Variants in AUTS2 observed in about 807,000 individuals in gnomAD.
The protein encoded by AUTS2 is autism susceptibility gene 2 protein.
A neutral mutation model predicts 112.4 loss-of-function variants in AUTS2; 17 were observed. The observed-to-expected ratio is 0.15, with a 90% CI of 0.10 to 0.23. The LOEUF is 0.23. Among genes scored for constraint, AUTS2 ranks in the 10% least tolerant of loss-of-function variants. AUTS2 has a pLI of 1.00. For missense variants in AUTS2, 1,510 were observed against 1,701.6 expected (o/e 0.89, Z 1.98); for synonymous variants, 751 against 702.7 (o/e 1.07, Z -1.09).
Position 69,632,665 on chromosome 7 carries a change from C to A in AUTS2, c.309+32703C>A, listed in dbSNP as rs528305057. Among the ~76,000 whole-genome samples, 38 of 141,712 alleles carry A rather than the reference C, an allele frequency of 2.7e-4. 1 individual carries two copies. The highest frequency in any genetic ancestry group is 5.2e-4 in the Non-Finnish European group (34 of 65,824). The allele number at this position is 141,712 out of a possible 152,430, so 93.0% of individuals were successfully genotyped here. On this transcript the variant is annotated intron_variant, in intron 1 of 18. Transcript: ENST00000342771. ...TTTCCCTTTCTCTTTCCTTAATTTT[C>A]TTTTCTTTCTGTTCATATATAGGTA...
At chr7:70,320,037 A>G (rs1790179850) in intron 4 of AUTS2, among the ~76,000 whole-genome samples, 1 of 152,224 alleles carries the variant, frequency 6.6e-6, no homozygotes, top group Admixed American at 6.5e-5. Flanking sequence ...TCATTTATTA[A>G]TTATTCAACC....
intron 1 of AUTS2, among the ~76,000 whole-genome samples, chr7:69,737,223 C>CT (rs1280972341): frequency 6.6e-6 from 1 of 151,916 alleles, no homozygotes; most frequent in African/African-American, 2.4e-5. Flanking sequence ...TTTTTTGTTT[C>CT]TTTTTTGAGT....
chr7:70,457,946 CCT>C (rs1796811269), intron 5 of AUTS2, among the ~76,000 whole-genome samples: 1 of 152,144 alleles, frequency 6.6e-6, no homozygotes, highest in Non-Finnish European at 1.5e-5. Context: ...TGTGTGTCCT[CCT>C]CTCGGTTTCT....
At chr7:69,818,032 A>G (rs943826170) in intron 1 of AUTS2, among the ~76,000 whole-genome samples, 1 of 152,214 alleles carries the variant, frequency 6.6e-6, no homozygotes, top group Non-Finnish European at 1.5e-5. Flanking sequence ...TGCCATTTAC[A>G]TAAGGAGCTG....
intron 2 of AUTS2, among the ~76,000 whole-genome samples, chr7:70,090,270 C>T (rs1281525427): frequency 6.6e-6 from 1 of 151,936 alleles, no homozygotes; most frequent in East Asian, 1.9e-4. Flanking sequence ...CTTGTTGTCA[C>T]ACAATTCTAC....
In AUTS2 at chr7:69,617,241, T is replaced by C. The variant is rs201203012; in HGVS notation, c.309+17279T>C. On this transcript the variant is annotated intron_variant, in intron 1 of 18. Coordinates refer to ENST00000342771, the MANE Select transcript of AUTS2 (RefSeq NM_015570.4). ...GTGTGGAGTTTGCACCATCTCCTCA[T>C]GTATGGTAAAATTGCTTTCATTATG... Among the ~76,000 whole-genome samples, 42 of 152,288 alleles carry C rather than the reference T, an allele frequency of 2.8e-4. No homozygotes were observed. In the East Asian group the frequency reaches 7.5e-3, roughly 27 times the overall value.
chr7:70,774,121 G>A, intron 12 of AUTS2, 22 bp downstream of exon 12: 1 of 1,612,520 alleles, frequency 6.2e-7, no homozygotes, highest in Non-Finnish European at 8.5e-7. Flanking sequence ...GTCAGGCTTG[G>A]TCTCAGGTAA....
intron 5 of AUTS2, among the ~76,000 whole-genome samples, chr7:70,490,755 C>T (rs968317638): frequency 6.6e-6 from 1 of 152,214 alleles, no homozygotes; most frequent in African/African-American, 2.4e-5. Flanking sequence ...TTATTTCTCC[C>T]TGCCAACTTC....
intron 4 of AUTS2, among the ~76,000 whole-genome samples, chr7:70,317,743 G>A (rs1223974618): frequency 2.6e-5 from 4 of 152,200 alleles, no homozygotes; most frequent in Non-Finnish European, 5.9e-5. Context: ...CGAAGGCATG[G>A]CCCTGCCTTC....
chr7:70,253,435 T>C (rs552929378), intron 4 of AUTS2, among the ~76,000 whole-genome samples: 9 of 152,262 alleles, frequency 5.9e-5, no homozygotes, highest in Non-Finnish European at 1.2e-4. Flanking sequence ...ATGTATCTGA[T>C]TGTTGTTATC....
intron 2 of AUTS2, among the ~76,000 whole-genome samples, chr7:69,931,274 T>G (rs982582162): frequency 6.6e-6 from 1 of 152,216 alleles, no homozygotes; most frequent in African/African-American, 2.4e-5. Flanking sequence ...GTCTGATGAT[T>G]TGTACTGAGT....
intron 5 of AUTS2, among the ~76,000 whole-genome samples, chr7:70,473,272 A>G (rs1444363678): frequency 6.6e-6 from 1 of 152,234 alleles, no homozygotes; most frequent in Non-Finnish European, 1.5e-5. Flanking sequence ...AAGTTTTATG[A>G]ATTTCAGCAT....
intron 1 of AUTS2, among the ~76,000 whole-genome samples, chr7:69,679,885 A>AT (rs1243733596): frequency 3.3e-5 from 5 of 151,636 alleles, no homozygotes; most frequent in East Asian, 1.9e-4. Context: ...ATTTGAGAAA[A>AT]TTTTTTTTTA....
At chr7:69,692,322 T>G (rs1410759562) in intron 1 of AUTS2, among the ~76,000 whole-genome samples, 1 of 152,214 alleles carries the variant, frequency 6.6e-6, no homozygotes. Flanking sequence ...GAAACACTTA[T>G]CATTTTAAAG....
chr7:70,033,849 G>A (rs1800886665), intron 2 of AUTS2, among the ~76,000 whole-genome samples: 1 of 152,040 alleles, frequency 6.6e-6, no homozygotes, highest in Non-Finnish European at 1.5e-5. Flanking sequence ...ATTGGTAAGG[G>A]ATACAAAATT....
intron 2 of AUTS2, among the ~76,000 whole-genome samples, chr7:69,939,369 A>G (rs1040486344): frequency 3.9e-5 from 6 of 152,202 alleles, no homozygotes; most frequent in Non-Finnish European, 8.8e-5. Context: ...AAAATGTAAC[A>G]TCAGAAGTTC....
chr7:70,485,696 C>G (rs1305319889), intron 5 of AUTS2, among the ~76,000 whole-genome samples: 3 of 152,144 alleles, frequency 2.0e-5, no homozygotes, highest in Non-Finnish European at 1.5e-5. Flanking sequence ...TGTGTTTCCT[C>G]AAAACCACTG....
intron 5 of AUTS2, among the ~76,000 whole-genome samples, chr7:70,549,642 T>C (rs1373617799): frequency 6.6e-6 from 1 of 152,192 alleles, no homozygotes; most frequent in Non-Finnish European, 1.5e-5. Context: ...CAGTGAGCTA[T>C]GATCATGCCA....
chr7:70,609,920 C>A (rs1803988176), intron 5 of AUTS2, among the ~76,000 whole-genome samples: 1 of 151,600 alleles, frequency 6.6e-6, no homozygotes, highest in Non-Finnish European at 1.5e-5. Flanking sequence ...GGATACATAC[C>A]CTAAAGTGGA....
Sources: allele counts gnomAD v4.1 joint callset (sites outside exome capture counted in the v4.1 genomes callset), GRCh38; gene constraint gnomAD v4.1.1; transcripts MANE v1.5; gene names NCBI Gene and HGNC (gene_info 2026-07-23, HGNC 2026-07-21).